DLGAP2: variants seen among roughly 807,000 people sequenced by gnomAD.
DLGAP2 encodes the protein disks large-associated protein 2.
In DLGAP2, 26 loss-of-function variants were observed where a neutral mutation model predicts 100.3. The ratio of observed to expected loss-of-function variants is 0.26; its 90% CI spans 0.19 to 0.36. The LOEUF (loss-of-function observed/expected upper bound fraction) is 0.36, where lower values mean the gene tolerates loss of function less well. Ranked by LOEUF, DLGAP2 falls within the 10% of genes least tolerant of loss-of-function variation. The pLI, the probability that DLGAP2 is intolerant of heterozygous loss-of-function variation, is 1.00. For synonymous variants in DLGAP2, 886 were observed against 630.1 expected (o/e 1.41, Z -6.08); for missense variants, 1,858 against 1,453.2 (o/e 1.28, Z -4.53).
At chr8:821,912 G>T (rs189576269) in intron 1 of DLGAP2, among the ~76,000 whole-genome samples, 105 of 152,374 alleles carry the variant, frequency 6.9e-4, no homozygotes, top group African/African-American at 2.4e-3. Context: ...TCTACAAACA[G>T]TTGGTGGTGA....
At chr8:1,129,633 C>T (rs1796244366) in intron 2 of DLGAP2, among the ~76,000 whole-genome samples, 1 of 152,098 alleles carries the variant, frequency 6.6e-6, no homozygotes, top group African/African-American at 2.4e-5. Context: ...GTAGGTGACT[C>T]CTGCTGTCTT....
intron 1 of DLGAP2, among the ~76,000 whole-genome samples, chr8:823,759 C>T (rs959190017): frequency 1.1e-4 from 16 of 151,978 alleles, no homozygotes; most frequent in African/African-American, 3.1e-4. Flanking sequence ...AGTGGTCATT[C>T]GCAGCACGGG....
In DLGAP2 at chr8:1,128,578, G is replaced by C. The variant is rs146250784; in HGVS notation, c.74-130273G>C. On this transcript the variant is annotated intron_variant, in intron 2 of 14. Coordinates refer to ENST00000637795, the MANE Select transcript of DLGAP2 (RefSeq NM_001346810.2). ...ACCACACAGCCTGGGTGTGCGGCAGGCTCAATCGCCGGGTTTGTATAACAC... is the reference window on the plus strand; with the variant it reads ...ACCACACAGCCTGGGTGTGCGGCAGCCTCAATCGCCGGGTTTGTATAACAC... Among the ~76,000 whole-genome samples, 39 of 152,340 alleles carry C rather than the reference G, an allele frequency of 2.6e-4. No individual in the cohort carries two copies. In the South Asian group the frequency reaches 7.9e-3, roughly 31 times the overall value.
chr8:833,445 A>G lies in DLGAP2; in HGVS notation c.19-74467A>G, dbSNP rs541041164. Among the ~76,000 whole-genome samples, 81 of 152,274 alleles carry G rather than the reference A, an allele frequency of 5.3e-4. No homozygotes were observed. In the South Asian group the frequency reaches 6.8e-3, roughly 13 times the overall value. On this transcript the variant is annotated intron_variant, in intron 1 of 14. Coordinates refer to ENST00000637795, the MANE Select transcript of DLGAP2 (RefSeq NM_001346810.2). The stretch of plus-strand genomic sequence containing the variant: ...GGGGACCTGTTTCTCAGCGTTTCCC[A>G]GCTTTGGAGGGTCCTGCCTGCCTTG...
At chr8:778,768 T>G (rs1821600810) in intron 1 of DLGAP2, among the ~76,000 whole-genome samples, 1 of 152,236 alleles carries the variant, frequency 6.6e-6, no homozygotes, top group African/African-American at 2.4e-5. Flanking sequence ...GACATTTAAG[T>G]CTGCAGAGGT....
intron 2 of DLGAP2, among the ~76,000 whole-genome samples, chr8:1,176,067 C>T (rs1175495173): frequency 6.6e-6 from 1 of 152,188 alleles, no homozygotes; most frequent in Non-Finnish European, 1.5e-5. Flanking sequence ...AAAAATACTA[C>T]CTGAAACTGG....
intron 4 of DLGAP2, among the ~76,000 whole-genome samples, chr8:1,526,743 A>T (rs1554491185): frequency 6.6e-6 from 1 of 152,194 alleles, no homozygotes; most frequent in Non-Finnish European, 1.5e-5. Flanking sequence ...GAGAGGAAGG[A>T]GGGAGCTGCA....
chr8:1,563,353 G>A lies in DLGAP2; in HGVS notation c.1231-2330G>A, dbSNP rs1271504345. Among the ~76,000 whole-genome samples, 3 of 33,652 alleles carry A rather than the reference G, an allele frequency of 8.9e-5. 1 individual carries two copies. Among genetic ancestry groups the A allele is most frequent in the Non-Finnish European group, 1.6e-4 (3 of 19,300 alleles). The allele number at this position is 33,652 out of a possible 152,430, so 22.1% of individuals were successfully genotyped here. The stretch of plus-strand genomic sequence containing the variant: ...GGGGCTGTGTGGTTTTGGGGTGTCC[G>A]CGCCTCATTACTGGGGGGCTGTGTG... On this transcript the variant is annotated intron_variant, in intron 5 of 14. Transcript: ENST00000637795.
chr8:954,428 G>A (rs191680243), intron 2 of DLGAP2, among the ~76,000 whole-genome samples: 30 of 152,210 alleles, frequency 2.0e-4, no homozygotes, highest in South Asian at 6.2e-4. Context: ...GTTCACGGAC[G>A]CAGTATCTGT....
At chr8:1,544,592 C>T (rs1030975945) in intron 4 of DLGAP2, among the ~76,000 whole-genome samples, 3 of 152,152 alleles carry the variant, frequency 2.0e-5, no homozygotes, top group African/African-American at 7.2e-5. Context: ...GCCTTTTCCC[C>T]TTTGTTCTAT....
At chr8:1,372,331 T>C (rs910235361) in intron 3 of DLGAP2, among the ~76,000 whole-genome samples, 1 of 152,068 alleles carries the variant, frequency 6.6e-6, no homozygotes, top group Non-Finnish European at 1.5e-5. Flanking sequence ...CTGCCAACAC[T>C]AGGACACTGT....
chr8:1,448,209 C>A (rs982530048), intron 3 of DLGAP2, among the ~76,000 whole-genome samples: 1 of 152,004 alleles, frequency 6.6e-6, no homozygotes, highest in African/African-American at 2.4e-5. Context: ...TTCCTGCTTT[C>A]TTTTGTGGGC....
intron 2 of DLGAP2, among the ~76,000 whole-genome samples, chr8:1,094,755 C>T (rs949927374): frequency 8.5e-5 from 13 of 152,176 alleles, no homozygotes; most frequent in Non-Finnish European, 1.6e-4. Flanking sequence ...TGGACCCAGC[C>T]GCAGGTTCTT....
At chr8:1,272,677 G>A (rs1013308086) in intron 3 of DLGAP2, among the ~76,000 whole-genome samples, 1 of 152,140 alleles carries the variant, frequency 6.6e-6, no homozygotes, top group Admixed American at 6.5e-5. Flanking sequence ...GACAACTGGT[G>A]TGCAGGACCC....
intron 2 of DLGAP2, among the ~76,000 whole-genome samples, chr8:1,234,396 C>T (rs145246705): frequency 1.9e-4 from 29 of 152,206 alleles, no homozygotes; most frequent in Non-Finnish European, 2.4e-4. Flanking sequence ...GTGGTGGCAT[C>T]ACCCCGATCC....
intron 1 of DLGAP2, among the ~76,000 whole-genome samples, chr8:899,996 C>T (rs1322014024): frequency 6.6e-6 from 1 of 152,128 alleles, no homozygotes; most frequent in African/African-American, 2.4e-5. Flanking sequence ...GGATGGGTGA[C>T]CGAAGAGAAA....
At chr8:1,270,568 T>C (rs1799560849) in intron 3 of DLGAP2, among the ~76,000 whole-genome samples, 1 of 152,204 alleles carries the variant, frequency 6.6e-6, no homozygotes, top group Non-Finnish European at 1.5e-5. Context: ...TCTTAACCTC[T>C]TTGCCATTAA....
intron 4 of DLGAP2, among the ~76,000 whole-genome samples, chr8:1,503,610 G>A (rs1353357410): frequency 2.0e-5 from 3 of 151,998 alleles, no homozygotes; most frequent in South Asian, 2.1e-4. Flanking sequence ...CACTGTTTTC[G>A]GTTCATTTGG....
chr8:1,560,162 C>G (rs918736105), intron 5 of DLGAP2, among the ~76,000 whole-genome samples: 1 of 152,216 alleles, frequency 6.6e-6, no homozygotes, highest in Non-Finnish European at 1.5e-5. Context: ...ACCCTGTAAT[C>G]TTCATCTCCT....
Sources: gnomAD v4.1 joint callset for allele counts (sites outside exome capture counted in the v4.1 genomes callset) on GRCh38, gnomAD v4.1.1 for gene constraint, MANE v1.5 for transcripts, NCBI Gene and HGNC (gene_info 2026-07-23, HGNC 2026-07-21) for gene names.